The following FHIT variants were observed in gnomAD, a reference collection of about 807,000 sequenced individuals.
FHIT encodes fragile histidine triad diadenosine triphosphatase, also known as bis(5'-adenosyl)-triphosphatase.
Under a neutral mutation model 17.9 loss-of-function variants are expected in FHIT, and 19 were observed. The ratio of observed to expected loss-of-function variants is 1.06; its 90% CI spans 0.74 to 1.56. FHIT has a LOEUF of 1.56. FHIT is among the 40% of genes most tolerant of loss of function. FHIT has a pLI of 0.00. For missense variants in FHIT, 248 were observed against 189.2 expected (o/e 1.31, Z -1.82); for synonymous variants, 81 against 69.7 (o/e 1.16, Z -0.81).
At chr3:60,594,814 G>T (rs2038206286) in intron 4 of FHIT, among the ~76,000 whole-genome samples, 1 of 151,990 alleles carries the variant, frequency 6.6e-6, no homozygotes, top group South Asian at 2.1e-4. Context: ...TGGGCCCTCT[G>T]CTAGGAGTTC....
At chr3:60,276,688 G>C (rs1707153414) in intron 5 of FHIT, among the ~76,000 whole-genome samples, 1 of 152,134 alleles carries the variant, frequency 6.6e-6, no homozygotes, top group Admixed American at 6.5e-5. Context: ...TTTGGCTATG[G>C]ATCTGTAGGC....
intron 1 of FHIT, among the ~76,000 whole-genome samples, chr3:61,207,734 G>T (rs1393123220): frequency 6.6e-6 from 1 of 151,910 alleles, no homozygotes; most frequent in Non-Finnish European, 1.5e-5. Flanking sequence ...TCTTGCTAGA[G>T]GTCTATCAAT....
chr3:59,754,738 C>G (rs1381141360), intron 8 of FHIT, among the ~76,000 whole-genome samples: 3 of 152,142 alleles, frequency 2.0e-5, no homozygotes, highest in Non-Finnish European at 2.9e-5. Context: ...AACATTGTGC[C>G]AATCCTTAGA....
At chr3:60,737,813 T>C (rs2042163957) in intron 4 of FHIT, among the ~76,000 whole-genome samples, 1 of 152,162 alleles carries the variant, frequency 6.6e-6, no homozygotes, top group Non-Finnish European at 1.5e-5. Context: ...CACAATGGAA[T>C]GTAAGTACAC....
At chr3:61,156,908 G>A (rs2107076238) in intron 2 of FHIT, among the ~76,000 whole-genome samples, 1 of 152,240 alleles carries the variant, frequency 6.6e-6, no homozygotes, top group African/African-American at 2.4e-5. Flanking sequence ...AGATTCTCCT[G>A]CAAATACAGA....
intron 7 of FHIT, among the ~76,000 whole-genome samples, chr3:59,961,857 C>T (rs575200553): frequency 6.5e-4 from 99 of 152,242 alleles, no homozygotes; most frequent in African/African-American, 2.1e-3. Flanking sequence ...TGTTCCTATT[C>T]GGCCATCTTG....
chr3:60,136,531 C>T (rs376943002), intron 5 of FHIT, among the ~76,000 whole-genome samples: 93 of 152,216 alleles, frequency 6.1e-4, no homozygotes, highest in African/African-American at 2.2e-3. Context: ...CAAACCTGCC[C>T]ACAACTCCGT....
intron 5 of FHIT, among the ~76,000 whole-genome samples, chr3:60,143,261 G>A (rs1451964752): frequency 4.1e-4 from 63 of 152,078 alleles, no homozygotes; most frequent in Non-Finnish European, 1.5e-5. Context: ...TATGGCCTCT[G>A]GGGCCACACG....
chr3:60,639,254 G>T (rs2039666913), intron 4 of FHIT, among the ~76,000 whole-genome samples: 1 of 151,958 alleles, frequency 6.6e-6, no homozygotes, highest in Non-Finnish European at 1.5e-5. Flanking sequence ...TATAGAAGCA[G>T]CAGCTAGGAC....
chr3:61,081,127 G>C (rs148267523), intron 2 of FHIT, among the ~76,000 whole-genome samples: 1 of 152,120 alleles, frequency 6.6e-6, no homozygotes, highest in African/African-American at 2.4e-5. Flanking sequence ...AATAGAAAGG[G>C]AAATGTAGCT....
intron 2 of FHIT, among the ~76,000 whole-genome samples, chr3:61,051,126 G>A (rs541159681): frequency 5.9e-5 from 9 of 152,088 alleles, no homozygotes; most frequent in East Asian, 1.9e-4. Flanking sequence ...AAAAATGTGC[G>A]TTAAAAAAAT....
Position 61,223,769 on chromosome 3 carries a change from T to C in FHIT, c.-212-23104A>G, listed in dbSNP as rs138680860. ...AGACTATCTTTAAATGCTATCTTAT[T>C]TTGCATTATACTAACACGATGGGTC... On this transcript the variant is annotated intron_variant, in intron 1 of 9. Transcript: ENST00000492590. Among the ~76,000 whole-genome samples, 674 of 152,310 alleles carry C rather than the reference T, an allele frequency of 4.4e-3. 8 individuals are homozygous for C. Among genetic ancestry groups the C allele is most frequent in the African/African-American group, 0.016 (647 of 41,566 alleles).
At chr3:59,790,902 T>C (rs1699528498) in intron 8 of FHIT, among the ~76,000 whole-genome samples, 1 of 152,172 alleles carries the variant, frequency 6.6e-6, no homozygotes, top group South Asian at 2.1e-4. Flanking sequence ...AGGTCATTCC[T>C]ATTGGAGCAT....
chr3:60,541,001 G>A (rs570991266), intron 4 of FHIT, among the ~76,000 whole-genome samples: 2 of 152,096 alleles, frequency 1.3e-5, no homozygotes, highest in African/African-American at 2.4e-5. Context: ...AGAAACTCTG[G>A]GACAAGGGCC....
At chr3:61,183,796 CCT>C (rs1439852271) in intron 2 of FHIT, among the ~76,000 whole-genome samples, 3 of 151,506 alleles carry the variant, frequency 2.0e-5, no homozygotes, top group African/African-American at 7.3e-5. Context: ...TCATGACTTC[CCT>C]GTTTGCCAGC....
intron 4 of FHIT, among the ~76,000 whole-genome samples, chr3:60,716,145 G>A (rs1387797363): frequency 1.3e-5 from 2 of 152,116 alleles, no homozygotes; most frequent in Admixed American, 6.5e-5. Flanking sequence ...TCGGGAGGCT[G>A]AGGCAGGAGA....
At chr3:59,751,699 G>C (rs1450831624) in intron 9 of FHIT, 2 of 230,080 alleles carry the variant, frequency 8.7e-6, no homozygotes, top group Non-Finnish European at 1.7e-5. Flanking sequence ...CCTAGGAGCC[G>C]AACATAAAGG....
chr3:61,055,213 A>G (rs2034175625), intron 2 of FHIT, among the ~76,000 whole-genome samples: 1 of 152,106 alleles, frequency 6.6e-6, no homozygotes, highest in African/African-American at 2.4e-5. Context: ...CAAGGACATG[A>G]TGCTCCATAT....
chr3:59,766,897 T>C (rs1263084392), intron 8 of FHIT, among the ~76,000 whole-genome samples: 1 of 152,234 alleles, frequency 6.6e-6, no homozygotes, highest in Non-Finnish European at 1.5e-5. Context: ...CCCCAGTTCA[T>C]TGACATTAGA....
Sources: allele counts gnomAD v4.1 joint callset (sites outside exome capture counted in the v4.1 genomes callset), GRCh38; gene constraint gnomAD v4.1.1; transcripts MANE v1.5; gene names NCBI Gene and HGNC (gene_info 2026-07-23, HGNC 2026-07-21).